DIP2B: variants seen among roughly 807,000 people sequenced by gnomAD.
DIP2B encodes DIP2 acetate--CoA ligase B (putative), also known as disco-interacting protein 2 homolog B.
Under a neutral mutation model 198.0 loss-of-function variants are expected in DIP2B, and 76 were observed. The ratio of observed to expected loss-of-function variants is 0.38; its 90% CI spans 0.32 to 0.46. DIP2B has a LOEUF of 0.46. Ranked by LOEUF, DIP2B falls within the 20% of genes least tolerant of loss-of-function variation. The pLI is 0.99. For missense variants in DIP2B, 1,559 were observed against 1,978.4 expected (o/e 0.79, Z 4.02); for synonymous variants, 701 against 739.1 (o/e 0.95, Z 0.84).
At chr12:50,526,843 C>T (rs1357031692) in intron 1 of DIP2B, among the ~76,000 whole-genome samples, 1 of 152,014 alleles carries the variant, frequency 6.6e-6, no homozygotes, top group Non-Finnish European at 1.5e-5. Flanking sequence ...ACCATGTTGG[C>T]CAGGTTGGTC....
At chr12:50,513,535 C>G (rs1593568156) in intron 1 of DIP2B, among the ~76,000 whole-genome samples, 3 of 152,298 alleles carry the variant, frequency 2.0e-5, no homozygotes, top group East Asian at 3.9e-4. Context: ...TTTCATATCC[C>G]TCACTTGTCC....
intron 1 of DIP2B, among the ~76,000 whole-genome samples, chr12:50,561,690 C>G (rs550592786): frequency 2.6e-5 from 4 of 152,336 alleles, no homozygotes; most frequent in Admixed American, 2.6e-4. Context: ...TTACTGCAAC[C>G]TCTGCCTTCC....
At chr12:50,631,399 G>A (rs574762162) in intron 2 of DIP2B, among the ~76,000 whole-genome samples, 3 of 152,082 alleles carry the variant, frequency 2.0e-5, no homozygotes, top group South Asian at 2.1e-4. Context: ...GCTAATTTTT[G>A]TATTTTTAGT....
chr12:50,509,473 G>A (rs928566772), intron 1 of DIP2B, among the ~76,000 whole-genome samples: 17 of 152,180 alleles, frequency 1.1e-4, no homozygotes, highest in African/African-American at 3.9e-4. Context: ...TCACAGGAAG[G>A]GATCCTCCCT....
chr12:50,655,680 C>T (rs1298552766), intron 3 of DIP2B, among the ~76,000 whole-genome samples: 1 of 152,152 alleles, frequency 6.6e-6, no homozygotes, highest in African/African-American at 2.4e-5. Flanking sequence ...TTCATATTGA[C>T]GTAAGATAGC....
intron 1 of DIP2B, among the ~76,000 whole-genome samples, chr12:50,521,094 G>GTTTTTTTTT (rs386376482): frequency 1.1e-4 from 10 of 94,330 alleles, no homozygotes; most frequent in Admixed American, 2.7e-4. Context: ...TTCAGCAACA[G>GTTTTTTTTT]TTTTTTTTTT....
intron 1 of DIP2B, among the ~76,000 whole-genome samples, chr12:50,617,186 C>T (rs546147484): frequency 6.7e-6 from 1 of 149,564 alleles, no homozygotes; most frequent in East Asian, 2.0e-4. Flanking sequence ...GACGGAGTCT[C>T]GCTCTGTCAC....
intron 3 of DIP2B, among the ~76,000 whole-genome samples, chr12:50,643,314 T>C (rs1404954972): frequency 6.6e-6 from 1 of 151,888 alleles, no homozygotes; most frequent in Non-Finnish European, 1.5e-5. Context: ...GTGGATCAGA[T>C]ACTAGTCAGC....
chr12:50,734,946 G>A, intron 33 of DIP2B, 127 bp from the exon 34 acceptor site: 1 of 1,173,888 alleles, frequency 8.5e-7, no homozygotes, highest in Non-Finnish European at 1.2e-6. Flanking sequence ...CTGAGTTTGA[G>A]AAACCCCTCT....
At position 50,724,756 on chromosome 12, in the gene DIP2B, C is replaced by T; in HGVS notation, c.3289-19C>T. 1 of 1,611,244 alleles carries T rather than the reference C, an allele frequency of 6.2e-7. No homozygotes were observed. Among genetic ancestry groups the T allele is most frequent in the Middle Eastern group, 1.7e-4 (1 of 5,930 alleles). On this transcript the variant is annotated intron_variant, in intron 27 of 37. Transcript: ENST00000301180. ...GGGCTGAGCCTCCTGATGCTTATTG[C>T]TGTCCATTTGTTTTCTAGGTCAGCA...
chr12:50,586,968 G>A (rs1176215763), intron 1 of DIP2B, among the ~76,000 whole-genome samples: 2 of 152,132 alleles, frequency 1.3e-5, no homozygotes, highest in African/African-American at 4.8e-5. Flanking sequence ...CTTTGGGTGG[G>A]TTCTCAAGAC....
intron 1 of DIP2B, among the ~76,000 whole-genome samples, chr12:50,576,514 T>A (rs140036410): frequency 5.3e-5 from 8 of 152,142 alleles, no homozygotes; most frequent in African/African-American, 1.9e-4. Flanking sequence ...AGTCTCGCTC[T>A]GTCGCCCAGG....
intron 3 of DIP2B, among the ~76,000 whole-genome samples, chr12:50,649,855 C>CA (rs957819912): frequency 2.1e-4 from 30 of 144,632 alleles, no homozygotes; most frequent in East Asian, 4.0e-4. Context: ...GACTTTGTCT[C>CA]AAAAAAAAAA....
chr12:50,539,198 T>C (rs1485491749), intron 1 of DIP2B, among the ~76,000 whole-genome samples: 1 of 151,684 alleles, frequency 6.6e-6, no homozygotes, highest in Non-Finnish European at 1.5e-5. Flanking sequence ...TTCTCTTTCA[T>C]CCCGTTTGGC....
rs140594028 is a variant in DIP2B, at chr12:50,683,508, G to A, written c.1317+260G>A. Among the ~76,000 whole-genome samples, 54 of 152,302 alleles carry A rather than the reference G, an allele frequency of 3.5e-4. No homozygotes were observed. The East Asian group carries it at 7.7e-3, about 22-fold the overall frequency. On this transcript the variant is annotated intron_variant, in intron 10 of 37. Coordinates refer to ENST00000301180, the MANE Select transcript of DIP2B (RefSeq NM_173602.3). ...AAATATCACTGGGGCGAGGCCGGGC[G>A]CAGTGGCTCACGCCTGTAATCACAG... is the stretch of plus-strand genomic sequence containing the variant.
At chr12:50,584,725 G>A (rs182890834) in intron 1 of DIP2B, among the ~76,000 whole-genome samples, 93 of 152,056 alleles carry the variant, frequency 6.1e-4, no homozygotes, top group African/African-American at 2.2e-3. Context: ...CGCCACACCT[G>A]GCTTATTTTT....
chr12:50,623,421 ACACACACACACACACACTCTCT>A (rs1163335289), intron 1 of DIP2B, among the ~76,000 whole-genome samples: 88 of 96,942 alleles, frequency 9.1e-4, no homozygotes, highest in African/African-American at 2.6e-3. Context: ...ACACACACAC[ACACACACACACACACACTCTCT>A]CTCTCTCTCT....
chr12:50,594,925 G>C (rs1958865604), intron 1 of DIP2B, among the ~76,000 whole-genome samples: 1 of 152,218 alleles, frequency 6.6e-6, no homozygotes, highest in South Asian at 2.1e-4. Context: ...AGGTTTGAAT[G>C]ACAACTCTTA....
intron 1 of DIP2B, among the ~76,000 whole-genome samples, chr12:50,581,925 T>G (rs1181641080): frequency 6.6e-6 from 1 of 152,138 alleles, no homozygotes; most frequent in East Asian, 1.9e-4. Context: ...ATGTAGCCTT[T>G]AATACTGATT....
Sources: allele counts gnomAD v4.1 joint callset (sites outside exome capture counted in the v4.1 genomes callset), GRCh38; gene constraint gnomAD v4.1.1; transcripts MANE v1.5; gene names NCBI Gene and HGNC (gene_info 2026-07-23, HGNC 2026-07-21).